TJP1: variants seen among roughly 807,000 people sequenced by gnomAD.
TJP1 encodes tight junction protein ZO-1.
TJP1 carries 43 observed loss-of-function variants against 194.2 expected under a neutral mutation model. The observed-to-expected ratio is 0.22, with a 90% confidence interval of 0.17 to 0.29. The LOEUF is 0.29. TJP1 is among the 10% of genes least tolerant of loss of function. The probability of loss-of-function intolerance (pLI) is 1.00; values close to 1 mark genes in which losing one functional copy is unlikely to be tolerated. For synonymous variants in TJP1, 801 were observed against 779.0 expected, an observed-to-expected ratio of 1.03 and a Z score of -0.47; for missense variants, 1,971 against 2,185.7, an observed-to-expected ratio of 0.90 and a Z score of 1.96.
intron 2 of TJP1, among the ~76,000 whole-genome samples, chr15:29,946,754 G>A (rs2055297986): frequency 1.3e-5 from 2 of 152,050 alleles, no homozygotes; most frequent in South Asian, 4.1e-4. Context: ...TATTTATACT[G>A]AGCTGCACCA....
At chr15:29,756,653 AT>A (rs777229562) in intron 8 of TJP1, among the ~76,000 whole-genome samples, 1 of 152,218 alleles carries the variant, frequency 6.6e-6, no homozygotes, top group Non-Finnish European at 1.5e-5. Flanking sequence ...AGAAAAGAAT[AT>A]CACACAGAGG....
chr15:29,964,292 T>C (rs370412920), intron 1 of TJP1, among the ~76,000 whole-genome samples: 43 of 152,328 alleles, frequency 2.8e-4, no homozygotes, highest in African/African-American at 9.1e-4. Context: ...GAGATTCTAA[T>C]ATGGCCTGCA....
intron 2 of TJP1, among the ~76,000 whole-genome samples, chr15:29,878,853 G>T (rs1314948176): frequency 1.3e-5 from 2 of 152,122 alleles, no homozygotes; most frequent in African/African-American, 4.8e-5. Flanking sequence ...GGCCGGGCGC[G>T]GTGGCTCATG....
chr15:29,854,549 G>A (rs1238023623), intron 2 of TJP1, among the ~76,000 whole-genome samples: 4 of 152,112 alleles, frequency 2.6e-5, no homozygotes, highest in Admixed American at 6.5e-5. Flanking sequence ...ACCAGAAGCT[G>A]GGAGAGACAA....
chr15:29,831,879 T>C (rs560555896), intron 2 of TJP1, among the ~76,000 whole-genome samples: 3 of 152,302 alleles, frequency 2.0e-5, no homozygotes, highest in African/African-American at 4.8e-5. Flanking sequence ...ATATTCAAAA[T>C]TGGTGAATCA....
intron 5 of TJP1, among the ~76,000 whole-genome samples, chr15:29,765,917 A>C (rs1293874201): frequency 2.6e-5 from 4 of 151,660 alleles, no homozygotes; most frequent in Non-Finnish European, 5.9e-5. Context: ...AACAACAACA[A>C]CACTCCCAAG....
intron 2 of TJP1, among the ~76,000 whole-genome samples, chr15:29,871,451 T>C (rs1365682227): frequency 2.6e-5 from 4 of 152,218 alleles, no homozygotes; most frequent in African/African-American, 9.6e-5. Context: ...GCCCCCTCTC[T>C]GTGAACGTAG....
intron 2 of TJP1, among the ~76,000 whole-genome samples, chr15:29,789,708 G>A (rs952927074): frequency 6.6e-6 from 1 of 152,160 alleles, no homozygotes; most frequent in African/African-American, 2.4e-5. Context: ...AAAATTGACT[G>A]TCAGATGTCA....
intron 2 of TJP1, among the ~76,000 whole-genome samples, chr15:29,950,632 G>A (rs2055713821): frequency 6.6e-6 from 1 of 152,196 alleles, no homozygotes. Flanking sequence ...GAGAACGGGG[G>A]AAGGGGCCAG....
At chr15:29,897,809 G>T (rs2053523738) in intron 2 of TJP1, among the ~76,000 whole-genome samples, 1 of 152,184 alleles carries the variant, frequency 6.6e-6, no homozygotes, top group African/African-American at 2.4e-5. Context: ...GGGGCCTGTA[G>T]CCCCTTTGTT....
At chr15:29,867,820 C>T (rs1265329106) in intron 2 of TJP1, among the ~76,000 whole-genome samples, 1 of 151,912 alleles carries the variant, frequency 6.6e-6, no homozygotes, top group East Asian at 1.9e-4. Context: ...TTTTGAGAGG[C>T]CAAGGTAGGC....
chr15:29,924,336 G>T (rs946506598), intron 2 of TJP1, among the ~76,000 whole-genome samples: 5 of 152,104 alleles, frequency 3.3e-5, no homozygotes, highest in African/African-American at 9.7e-5. Flanking sequence ...CTCCCAACAT[G>T]CTGGGATTAC....
At chr15:29,913,200 G>C (rs374781206) in intron 2 of TJP1, among the ~76,000 whole-genome samples, 5 of 99,828 alleles carry the variant, frequency 5.0e-5, no homozygotes, top group African/African-American at 1.7e-4. Flanking sequence ...AAAAAAAAAA[G>C]GGGGTAGAAT....
At chr15:29,818,010 TAAA>T (rs879780459) in intron 1 of TJP1, among the ~76,000 whole-genome samples, 12 of 141,078 alleles carry the variant, frequency 8.5e-5, no homozygotes, top group Non-Finnish European at 1.6e-4. Context: ...AGAACTTAAT[TAAA>T]AAAAAAAAAG....
intron 2 of TJP1, among the ~76,000 whole-genome samples, chr15:29,933,882 C>T (rs78804305): frequency 0.014 from 2,119 of 152,192 alleles, 53 homozygotes; most frequent in African/African-American, 0.048. Flanking sequence ...GGGGTCACAA[C>T]AGACATAGTT....
chr15:29,703,879 G>A (rs987487166), intron 27 of TJP1, among the ~76,000 whole-genome samples: 3 of 152,158 alleles, frequency 2.0e-5, no homozygotes, highest in African/African-American at 7.2e-5. Context: ...CTGACCTCAG[G>A]TAATCCACTT....
At chr15:29,958,091 T>C (rs967827626) in intron 1 of TJP1, among the ~76,000 whole-genome samples, 1 of 152,228 alleles carries the variant, frequency 6.6e-6, no homozygotes, top group African/African-American at 2.4e-5. Flanking sequence ...TGTTTTTTAT[T>C]AGATGTCTTG....
chr15:29,761,853 A>C, intron 6 of TJP1, 84 bp from the exon 7 acceptor site: 4 of 1,315,580 alleles, frequency 3.0e-6, no homozygotes, highest in South Asian at 2.0e-5. Flanking sequence ...GAAATATCCA[A>C]ACCACTCCTT....
intron 8 of TJP1, among the ~76,000 whole-genome samples, chr15:29,747,461 T>C (rs1320071487): frequency 1.3e-5 from 2 of 152,116 alleles, no homozygotes; most frequent in African/African-American, 2.4e-5. Flanking sequence ...TATCCCTGCA[T>C]TGTTTGCATT....
Sources: gnomAD v4.1 joint callset for allele counts (sites outside exome capture counted in the v4.1 genomes callset) on GRCh38, gnomAD v4.1.1 for gene constraint, MANE v1.5 for transcripts, NCBI Gene and HGNC (gene_info 2026-07-23, HGNC 2026-07-21) for gene names.